The following KIAA0319 variants were observed in gnomAD, a reference collection of about 807,000 sequenced individuals.
KIAA0319 encodes dyslexia-associated protein KIAA0319.
A neutral mutation model predicts 108.4 loss-of-function variants in KIAA0319; 83 were observed. The observed-to-expected ratio is 0.77, with a 90% CI of 0.64 to 0.92. The LOEUF (loss-of-function observed/expected upper bound fraction) is 0.92, where lower values mean the gene tolerates loss of function less well. KIAA0319 is among the 40% of genes least tolerant of loss of function. The probability of loss-of-function intolerance (pLI) is 0.00; values close to 1 mark genes in which losing one functional copy is unlikely to be tolerated. For missense variants in KIAA0319, 1,195 were observed against 1,322.4 expected (o/e 0.90, Z 1.49); for synonymous variants, 484 against 510.4 (o/e 0.95, Z 0.70).
intron 16 of KIAA0319, among the ~76,000 whole-genome samples, chr6:24,559,576 T>G (rs532982224): frequency 3.3e-5 from 5 of 151,546 alleles, no homozygotes; most frequent in African/African-American, 1.2e-4. Flanking sequence ...GGCTGTTCAT[T>G]TGTATCCTTT....
intron 20 of KIAA0319, among the ~76,000 whole-genome samples, chr6:24,548,644 G>T (rs536043922): frequency 2.0e-4 from 31 of 152,256 alleles, no homozygotes; most frequent in African/African-American, 7.2e-4. Flanking sequence ...AAGAGGACGG[G>T]GAAGGTCATG....
chr6:24,601,860 C>T (rs1770667230), intron 1 of KIAA0319, among the ~76,000 whole-genome samples: 1 of 152,172 alleles, frequency 6.6e-6, no homozygotes, highest in Non-Finnish European at 1.5e-5. Context: ...AGGCTGGCTT[C>T]CTAGGCTGCT....
chr6:24,597,481 A>G (rs1162512524), intron 2 of KIAA0319, among the ~76,000 whole-genome samples: 1 of 152,206 alleles, frequency 6.6e-6, no homozygotes, highest in Non-Finnish European at 1.5e-5. Flanking sequence ...GTTTAGATAT[A>G]CATACCTTAA....
In KIAA0319 at chr6:24,576,711, G is replaced by A. The variant is rs975586146; in HGVS notation, c.1506-115C>T. ...GAGGTGGGAGGATCGCTTGAGCCCA[G>A]GAGTTCTGAGACCAGCTGGGCCATA... On this transcript the variant is annotated intron_variant, in intron 9 of 20. Transcript: ENST00000378214. 24 of 790,754 alleles carry A rather than the reference G, an allele frequency of 3.0e-5. No individual in the cohort carries two copies. In the African/African-American group the frequency reaches 4.1e-4, roughly 14 times the overall value. 49.0% of individuals were successfully genotyped at this position (790,754 alleles called of 1,614,324 possible).
intron 2 of KIAA0319, chr6:24,598,492 G>A: frequency 2.1e-6 from 1 of 478,112 alleles, no homozygotes; most frequent in Non-Finnish European, 4.0e-6. Context: ...GGACATGCTG[G>A]GCCAGGAAAA....
Position 24,598,003 on chromosome 6 carries a change from G to A in KIAA0319, c.56-1385C>T, listed in dbSNP as rs1274787335. The A allele has an allele frequency of 2.1e-5, 4 of 192,836 alleles. No homozygotes were observed. The East Asian group carries it at 5.2e-4, about 25-fold the overall frequency. 11.9% of individuals were successfully genotyped at this position (192,836 alleles called of 1,614,324 possible). On this transcript the variant is annotated intron_variant, in intron 2 of 20. Transcript: ENST00000378214. ...AATCTCCACCTGGTTCAGCCCTCCT[G>A]CCTCCACCATATCCATCAAGGTGAC...
Position 24,568,922 on chromosome 6 carries a change from T to G in KIAA0319, c.1999A>C (p.Ser667Arg), listed in dbSNP as rs1764279334. The G allele has an allele frequency of 1.2e-6, 2 of 1,614,118 alleles. No homozygotes were observed. The highest frequency in any genetic ancestry group is 1.7e-6 in the Non-Finnish European group (2 of 1,179,960). ...TCAATATTTTCCATCTCCACTGCAC[T>G]GGGGCCTCTATAAAACATAGAAGTG... ...FYHWEHVRGP[S>R]AVEMENIDKA... is the part of the protein sequence containing the mutation. The change falls in exon 13 of 21, where the codon AGT (serine) becomes CGT (arginine). Residue 667 changes from serine (S) to arginine (R), a missense_variant. By Grantham distance (110) the Ser-to-Arg change is moderately radical. Transcript: ENST00000378214.
intron 1 of KIAA0319, among the ~76,000 whole-genome samples, chr6:24,633,446 T>C (rs1358455838): frequency 6.6e-6 from 1 of 152,180 alleles, no homozygotes; most frequent in Non-Finnish European, 1.5e-5. Context: ...AACAATATGT[T>C]ACGTTAACAG....
At position 24,549,199 on chromosome 6, in the gene KIAA0319, G is replaced by A. The variant is rs150448672; in HGVS notation, c.3041-1856C>T. Among the ~76,000 whole-genome samples the A allele has an allele frequency of 2.0e-5, 3 of 152,016 alleles. No homozygotes were observed. In the East Asian group the frequency reaches 5.8e-4, roughly 29 times the overall value. On this transcript the variant is annotated intron_variant, in intron 20 of 20. Coordinates refer to ENST00000378214, the MANE Select transcript of KIAA0319 (RefSeq NM_014809.4). The stretch of plus-strand genomic sequence containing the variant: ...GATTAGCTGGGCATGGTGGACAGGT[G>A]CCTGTAATCCCAACTACTTGGGAGG...
chr6:24,592,491 C>T (rs927237206), intron 3 of KIAA0319, among the ~76,000 whole-genome samples: 12 of 152,082 alleles, frequency 7.9e-5, no homozygotes, highest in African/African-American at 2.4e-4. Context: ...GTCTCTCACC[C>T]GTAGCCTCAA....
rs187587186 is a variant in KIAA0319, at chr6:24,570,479, T to G, written c.1859-444A>C. On this transcript the variant is annotated intron_variant, in intron 11 of 20. Transcript: ENST00000378214. ...GGCAGGCGCCTGTAGTCCCAGCCAC[T>G]CGGGAGGCTGAGGCAGGAGAATGGC... Among the ~76,000 whole-genome samples, 943 of 151,640 alleles carry G rather than the reference T, an allele frequency of 6.2e-3. 14 individuals carry two copies. Among genetic ancestry groups the G allele is most frequent in the African/African-American group, 0.02 (846 of 41,302 alleles).
Position 24,545,484 on chromosome 6 carries a change from C to T in KIAA0319, c.*1681G>A, listed in dbSNP as rs1318551990. 6.6e-6 allele frequency: 1 copy of T among 152,022 alleles called. No homozygotes were observed. Among genetic ancestry groups the T allele is most frequent in the Non-Finnish European group, 1.5e-5 (1 of 68,026 alleles). 9.4% of individuals were successfully genotyped at this position (152,022 alleles called of 1,614,324 possible). On this transcript the variant is annotated 3_prime_UTR_variant, in exon 21 of 21. Coordinates refer to ENST00000378214, the MANE Select transcript of KIAA0319 (RefSeq NM_014809.4). Reference sequence around the variant, plus strand: ...GCATGCAAACAACCATAACCCTGGTCACCTGATAAGGCAGATTCTAGGCTT... The same window carrying T: ...GCATGCAAACAACCATAACCCTGGTTACCTGATAAGGCAGATTCTAGGCTT...
chr6:24,592,935 C>G (rs992035762), intron 3 of KIAA0319, among the ~76,000 whole-genome samples: 1 of 151,798 alleles, frequency 6.6e-6, no homozygotes, highest in African/African-American at 2.4e-5. Flanking sequence ...TCACGCTGCT[C>G]CACTCCAGCC....
chr6:24,569,224 C>A (rs957054163), intron 12 of KIAA0319, among the ~76,000 whole-genome samples: 8 of 152,170 alleles, frequency 5.3e-5, no homozygotes, highest in African/African-American at 1.4e-4. Flanking sequence ...TTAGAAACGA[C>A]TCCCATTTCT....
chr6:24,567,987 A>C (rs56186289), intron 13 of KIAA0319, among the ~76,000 whole-genome samples: 184 of 152,270 alleles, frequency 1.2e-3, no homozygotes, highest in Admixed American at 4.4e-3. Flanking sequence ...CTACAATAAA[A>C]TCTTTTGAAA....
intron 1 of KIAA0319, among the ~76,000 whole-genome samples, chr6:24,608,379 C>T (rs1017474747): frequency 1.3e-5 from 2 of 151,488 alleles, no homozygotes; most frequent in Non-Finnish European, 2.9e-5. Flanking sequence ...ATGGTGCTGG[C>T]AGAATTTTTA....
chr6:24,564,416 C>T (rs778621108), intron 14 of KIAA0319, 76 bp from the exon 15 acceptor site: 4 of 1,575,284 alleles, frequency 2.5e-6, no homozygotes, highest in Non-Finnish European at 3.5e-6. Flanking sequence ...GATCCTAAAC[C>T]TCAGTGTCCC....
At chr6:24,569,809 C>T (rs949466232) in intron 12 of KIAA0319, 94 bp downstream of exon 12, 24 of 1,457,380 alleles carry the variant, frequency 1.6e-5, no homozygotes, top group Middle Eastern at 3.6e-4. Context: ...CCTCAAAATG[C>T]GCAAGCTGAT....
At position 24,547,124 on chromosome 6, in the gene KIAA0319, T is replaced by C. The variant is rs752807361; in HGVS notation, c.*41A>G. ...TGCTGTAACTCCCACTGACTGGTCT[T>C]GGATTCAAGGGGTCCTTCCACTTTA... is the stretch of plus-strand genomic sequence containing the variant. On this transcript the variant is annotated 3_prime_UTR_variant, in exon 21 of 21. Coordinates refer to ENST00000378214, the MANE Select transcript of KIAA0319 (RefSeq NM_014809.4). 6.2e-7 allele frequency: 1 copy of C among 1,604,220 alleles called. No homozygotes were observed. Among genetic ancestry groups the C allele is most frequent in the Admixed American group, 1.7e-5 (1 of 59,916 alleles).
Sources: allele counts gnomAD v4.1 joint callset (sites outside exome capture counted in the v4.1 genomes callset), GRCh38; gene constraint gnomAD v4.1.1; transcripts MANE v1.5; gene names NCBI Gene and HGNC (gene_info 2026-07-23, HGNC 2026-07-21).